The following ARAP1 variants were observed in gnomAD, a reference collection of about 807,000 sequenced individuals.
The protein encoded by ARAP1 is ArfGAP with RhoGAP domain, ankyrin repeat and PH domain 1.
Under a neutral mutation model 172.2 loss-of-function variants are expected in ARAP1, and 76 were observed. That is an observed-to-expected ratio of 0.44 (90% CI 0.37 to 0.53). The LOEUF (loss-of-function observed/expected upper bound fraction) is 0.53. Ranked by LOEUF, ARAP1 falls within the 20% of genes least tolerant of loss-of-function variation. The pLI is 0.00. For missense variants in ARAP1, 1,686 were observed against 1,977.5 expected, an observed-to-expected ratio of 0.85 and a Z score of 2.80; for synonymous variants, 804 against 803.3, an observed-to-expected ratio of 1.00 and a Z score of -0.01.
At position 72,693,186 on chromosome 11, in the gene ARAP1, T is replaced by C; in HGVS notation, c.3954+139A>G. ...GCCACAGCAGGAGGGGTCTTGAGAG[T>C]CTACAGTTCTCCCCCACTGCTGTGC... On this transcript the variant is annotated intron_variant, in intron 29 of 34. Transcript: ENST00000393609. This position sits in a 1 kb window ranked among gnomAD's most constrained non-coding sequence, Gnocchi z 4.6. 1 of 1,299,968 alleles carries C rather than the reference T, an allele frequency of 7.7e-7. No individual in the cohort carries two copies. Among genetic ancestry groups the C allele is most frequent in the South Asian group, 1.5e-5 (1 of 68,898 alleles). 80.5% of individuals were successfully genotyped at this position (1,299,968 alleles called of 1,614,324 possible).
At chr11:72,687,240 C>G in intron 33 of ARAP1, 199 bp downstream of exon 33, 2 of 681,954 alleles carry the variant, frequency 2.9e-6, no homozygotes, top group South Asian at 3.7e-5. Context: ...CTGTCTGTCC[C>G]TAGCATCCCT....
Position 72,698,106 on chromosome 11 carries a change from C to A in ARAP1, c.2542G>T (p.Ala848Ser). 1 of 1,591,272 alleles carries A rather than the reference C, an allele frequency of 6.3e-7. No individual in the cohort carries two copies. The highest frequency in any genetic ancestry group is 1.1e-5 in the South Asian group (1 of 87,736). The change falls in exon 19 of 35, where the codon GCA becomes TCA. Residue 848 changes from alanine (A) to serine (S), a missense_variant and splice_region_variant. Ala to Ser is a moderately conservative substitution (Grantham distance 99). Coordinates refer to ENST00000393609, the MANE Select transcript of ARAP1 (RefSeq NM_001040118.3). ...AHEWVKCIAK[A>S]FVPPLAEDLL... The stretch of plus-strand genomic sequence containing the variant: ...TCCTCGGCTAGGGGAGGCACGAATG[C>A]CTGGCAGAGAGGCGCCGGGGGAGAC...
intron 1 of ARAP1, among the ~76,000 whole-genome samples, chr11:72,736,239 CTTT>C (rs61233618): frequency 6.8e-5 from 9 of 132,340 alleles, no homozygotes; most frequent in Non-Finnish European, 8.0e-5. Flanking sequence ...TTTTAGTTAC[CTTT>C]TTTTTTTTTT....
At chr11:72,731,491 C>A (rs1364677531) in intron 2 of ARAP1, among the ~76,000 whole-genome samples, 2 of 152,186 alleles carry the variant, frequency 1.3e-5, no homozygotes, top group African/African-American at 4.8e-5. Context: ...TTGCCTTCTG[C>A]CCTGACTAAA....
chr11:72,687,799 G>C lies in ARAP1; in HGVS notation c.4071-61C>G. On this transcript the variant is annotated intron_variant, in intron 31 of 34. Transcript: ENST00000393609. ...CAGGCCATAGAGGCTCAACACCCCA[G>C]TTCCCAGGACAGAGCCCAGAAGCCA... 4.4e-6 allele frequency: 7 copies of C among 1,591,760 alleles called. No homozygotes were observed. In the South Asian group the frequency reaches 7.7e-5, roughly 18 times the overall value.
chr11:72,728,049 G>T (rs1857750973), intron 2 of ARAP1, among the ~76,000 whole-genome samples: 1 of 152,182 alleles, frequency 6.6e-6, no homozygotes, highest in South Asian at 2.1e-4. Flanking sequence ...TACTAAAACA[G>T]AAATAAATTG....
At chr11:72,690,368 C>CA (rs1855888044) in intron 30 of ARAP1, among the ~76,000 whole-genome samples, 1 of 152,174 alleles carries the variant, frequency 6.6e-6, no homozygotes, top group African/African-American at 2.4e-5. Flanking sequence ...AGAAAGTCTG[C>CA]AGAAGTGGGT....
chr11:72,725,856 T>C lies in ARAP1; in HGVS notation c.509+764A>G, dbSNP rs1304184449. Among the ~76,000 whole-genome samples the C allele has an allele frequency of 6.6e-6, 1 of 152,038 alleles. No homozygotes were observed. The highest frequency in any genetic ancestry group is 1.5e-5 in the Non-Finnish European group (1 of 67,998). Reference sequence around the variant, plus strand: ...CCTCCTCCAAGAAGCCTTCCAAGATTAGCCTCACTTCGCCCAAGTGCTCCA... The same window carrying C: ...CCTCCTCCAAGAAGCCTTCCAAGATCAGCCTCACTTCGCCCAAGTGCTCCA... On this transcript the variant is annotated intron_variant, in intron 3 of 34. Transcript: ENST00000393609. This position sits in a 1 kb window ranked among gnomAD's most constrained non-coding sequence, Gnocchi z 4.3.
Position 72,707,388 on chromosome 11 carries a change from G to A in ARAP1, c.1524-14C>T. ...TCAGCAGAGAAGCTGGGGACATAGG[G>A]GTGGGGAGATTAGTGGGGATGGACT... is the stretch of plus-strand genomic sequence containing the variant. On this transcript the variant is annotated splice_polypyrimidine_tract_variant and intron_variant, in intron 11 of 34. Coordinates refer to ENST00000393609, the MANE Select transcript of ARAP1 (RefSeq NM_001040118.3). 6.2e-7 allele frequency: 1 copy of A among 1,605,224 alleles called. No individual in the cohort carries two copies. Among genetic ancestry groups the A allele is most frequent in the Non-Finnish European group, 8.5e-7 (1 of 1,174,666 alleles).
chr11:72,695,454 T>G lies in ARAP1; in HGVS notation c.3509A>C (p.His1170Pro). ...CACTGTGCAGATGAAGTCACCGGCA[T>G]GCTGCAGGGAGACAGGGCTCAGCTG... ...RVAGTASGTQ[H>P]AGDFICTVYL... The change falls in exon 26 of 35, where the codon CAT (histidine) becomes CCT (proline). Residue 1170 changes from histidine to proline, a missense_variant and splice_region_variant. Physicochemically the swap from His to Pro is moderately conservative, Grantham distance 77 (BLOSUM62 -2). This residue lies in a region of ARAP1 where 379 missense variants were observed against 500.1 expected (regional missense o/e 0.76). Transcript: ENST00000393609. This position sits in a 1 kb window ranked among gnomAD's most constrained non-coding sequence, Gnocchi z 4.4. 1 of 1,614,254 alleles carries G rather than the reference T, an allele frequency of 6.2e-7. No homozygotes were observed. Among genetic ancestry groups the G allele is most frequent in the Admixed American group, 1.7e-5 (1 of 60,038 alleles).
chr11:72,723,377 C>T (rs566755754), intron 3 of ARAP1, among the ~76,000 whole-genome samples: 1 of 152,084 alleles, frequency 6.6e-6, no homozygotes, highest in African/African-American at 2.4e-5. Context: ...GATGTAGAGT[C>T]CCCCTAGGCC....
rs544005777 is a variant in ARAP1 at position 72,725,627 on chromosome 11, C to CT, written c.509+992dup. 1.4e-3 allele frequency among the ~76,000 whole-genome samples: 210 copies of CT among 152,118 alleles called. No homozygotes were observed. Among genetic ancestry groups the CT allele is most frequent in the African/African-American group, 5.1e-3 (210 of 41,476 alleles). ...TCCCAGACCCTCCCCACAAGGCCCC[C>CT]TGAGTATGTCCTTGGCATGGATCCA... On this transcript the variant is annotated intron_variant, in intron 3 of 34. Coordinates refer to ENST00000393609, the MANE Select transcript of ARAP1 (RefSeq NM_001040118.3). This position sits in a 1 kb window ranked among gnomAD's most constrained non-coding sequence, Gnocchi z 4.3.
intron 1 of ARAP1, among the ~76,000 whole-genome samples, chr11:72,738,294 C>T (rs1472142392): frequency 1.3e-5 from 2 of 152,130 alleles, no homozygotes; most frequent in African/African-American, 4.8e-5. Context: ...GTCTGCTGAC[C>T]GTGTGGGTGT....
chr11:72,685,621 C>A lies in ARAP1; in HGVS notation c.*43G>T. The A allele has an allele frequency of 4.3e-6, 7 of 1,614,018 alleles. No individual in the cohort carries two copies. Among genetic ancestry groups the A allele is most frequent in the Non-Finnish European group, 5.9e-6 (7 of 1,179,864 alleles). Reference sequence around the variant, plus strand: ...GCATAAGGGGTGTCTGAACAGAAGGCTTCCAGCGGCGGAATCCTAGAGCCA... The same window carrying A: ...GCATAAGGGGTGTCTGAACAGAAGGATTCCAGCGGCGGAATCCTAGAGCCA... On this transcript the variant is annotated 3_prime_UTR_variant, in exon 35 of 35. Coordinates refer to ENST00000393609, the MANE Select transcript of ARAP1 (RefSeq NM_001040118.3).
At chr11:72,736,053 G>A (rs1165949105) in intron 1 of ARAP1, among the ~76,000 whole-genome samples, 1 of 152,156 alleles carries the variant, frequency 6.6e-6, no homozygotes, top group Non-Finnish European at 1.5e-5. Flanking sequence ...AAGCCACACT[G>A]CAGCCTGAGG....
At chr11:72,703,883 G>A (rs898079777) in intron 14 of ARAP1, 65 of 490,856 alleles carry the variant, frequency 1.3e-4, no homozygotes, top group Middle Eastern at 5.4e-4. Flanking sequence ...GCAACCGGAC[G>A]GGGTGCAGGA....
chr11:72,703,805 C>G (rs1856626635), intron 14 of ARAP1: 17 of 299,134 alleles, frequency 5.7e-5, no homozygotes, highest in South Asian at 5.4e-4. Flanking sequence ...AGCAGCCCAG[C>G]TGTTTTTCAT....
At position 72,706,266 on chromosome 11, in the gene ARAP1, T is replaced by C. The variant is rs565879680; in HGVS notation, c.1724-376A>G. Among the ~76,000 whole-genome samples, 4 of 152,242 alleles carry C rather than the reference T, an allele frequency of 2.6e-5. No individual in the cohort carries two copies. The South Asian group carries it at 8.3e-4, about 32-fold the overall frequency. Reference sequence around the variant, plus strand: ...AATTAGATCACAACTCCTTACCTGCTTCCCCTCCTTCATCTTTCTACCCAG... The same window carrying C: ...AATTAGATCACAACTCCTTACCTGCCTCCCCTCCTTCATCTTTCTACCCAG... On this transcript the variant is annotated intron_variant, in intron 12 of 34. Transcript: ENST00000393609.
chr11:72,689,827 A>AGGGAGGAAATTAGGCAGGC (rs1424384240), intron 30 of ARAP1, among the ~76,000 whole-genome samples: 1 of 152,222 alleles, frequency 6.6e-6, no homozygotes. Flanking sequence ...GGCTGCAGAC[A>AGGGAGGAAATTAGGCAGGC]GGGAGGAAAT....
Sources: gnomAD v4.1 joint callset for allele counts (sites outside exome capture counted in the v4.1 genomes callset) on GRCh38, gnomAD v4.1.1 for gene constraint, gnomAD v4.1.1 regional missense constraint, Gnocchi (gnomAD v3.1) non-coding constraint, MANE v1.5 for transcripts, NCBI Gene and HGNC (gene_info 2026-07-23, HGNC 2026-07-21) for gene names.